Variants in FAXC observed in about 807,000 individuals in gnomAD.
FAXC encodes the protein failed axon connections homolog, metaxin like GST domain containing.
A neutral mutation model predicts 41.9 loss-of-function variants in FAXC; 10 were observed. That is an observed-to-expected ratio of 0.24 (90% CI 0.15 to 0.41). FAXC has a LOEUF of 0.41. Ranked by LOEUF, FAXC falls within the 10% of genes least tolerant of loss-of-function variation. FAXC has a pLI of 1.00. For missense variants in FAXC, 399 were observed against 510.9 expected, an observed-to-expected ratio of 0.78 and a Z score of 2.11; for synonymous variants, 183 against 183.8, an observed-to-expected ratio of 1.00 and a Z score of 0.03.
At chr6:99,306,870 C>T (rs1015236313) in intron 4 of FAXC, among the ~76,000 whole-genome samples, 3 of 152,088 alleles carry the variant, frequency 2.0e-5, no homozygotes, top group African/African-American at 7.2e-5. Context: ...GGAGTAAGTG[C>T]CTGCATGTGT....
At chr6:99,292,577 G>A (rs1308313267) in intron 4 of FAXC, among the ~76,000 whole-genome samples, 1 of 152,198 alleles carries the variant, frequency 6.6e-6, no homozygotes, top group Non-Finnish European at 1.5e-5. Flanking sequence ...GGGAGCACTA[G>A]GGGAGATGGA....
chr6:99,336,225 T>C (rs1242215124), intron 2 of FAXC, among the ~76,000 whole-genome samples: 1 of 151,704 alleles, frequency 6.6e-6, no homozygotes, highest in Non-Finnish European at 1.5e-5. Context: ...CCAAAAAAAG[T>C]ATGTTAAAAA....
intron 2 of FAXC, among the ~76,000 whole-genome samples, chr6:99,339,809 A>C (rs1023557374): frequency 6.6e-6 from 1 of 152,142 alleles, no homozygotes; most frequent in Admixed American, 6.6e-5. Context: ...GAGTAGAGAG[A>C]CATAGAAAAT....
intron 2 of FAXC, among the ~76,000 whole-genome samples, chr6:99,337,578 G>A (rs1773259589): frequency 6.6e-6 from 1 of 151,976 alleles, no homozygotes; most frequent in Non-Finnish European, 1.5e-5. Flanking sequence ...TTTTTCTAAG[G>A]ACCATATATC....
chr6:99,349,992 G>A (rs1027120751), upstream of FAXC: 2 of 152,190 alleles, frequency 1.3e-5, no homozygotes, highest in Admixed American at 1.3e-4. Flanking sequence ...GCGGGCCCCA[G>A]AGTAGGGAAC....
intron 5 of FAXC, 84 bp downstream of exon 5, chr6:99,291,620 T>A: frequency 1.1e-6 from 1 of 935,208 alleles, no homozygotes; most frequent in Non-Finnish European, 1.8e-6. Context: ...ACGAAAGCAT[T>A]GGTCTAGAAT....
rs62424021 is a variant in FAXC, at chr6:99,326,154, G to A, written c.600-2487C>T. Among the ~76,000 whole-genome samples, 930 of 152,300 alleles carry A rather than the reference G, an allele frequency of 6.1e-3. 5 individuals are homozygous for A. Among genetic ancestry groups the A allele is most frequent in the Non-Finnish European group, 9.4e-3 (640 of 68,012 alleles). ...CTTTATTCCAAAAGCAAAGGTTAAC[G>A]GCTGGAAGGCTTTAAACAGACAAGA... On this transcript the variant is annotated intron_variant, in intron 3 of 5. Coordinates refer to ENST00000389677, the MANE Select transcript of FAXC (RefSeq NM_032511.4).
chr6:99,342,794 C>A, intron 2 of FAXC, 104 bp downstream of exon 2: 1 of 1,086,974 alleles, frequency 9.2e-7, no homozygotes, highest in Non-Finnish European at 1.3e-6. Flanking sequence ...AGCTCCCATC[C>A]CCTCTGGCAT....
chr6:99,301,514 T>C (rs1771704768), intron 4 of FAXC, among the ~76,000 whole-genome samples: 1 of 152,190 alleles, frequency 6.6e-6, no homozygotes, highest in Admixed American at 6.5e-5. Context: ...ACAAAGTGAA[T>C]AAAAACCAGG....
chr6:99,334,569 T>G, intron 2 of FAXC: 3 of 950,606 alleles, frequency 3.2e-6, no homozygotes, highest in Non-Finnish European at 3.8e-6. Flanking sequence ...ACATCTAACA[T>G]TCTTGTAATC....
intron 4 of FAXC, among the ~76,000 whole-genome samples, chr6:99,308,259 T>C (rs1772007411): frequency 6.6e-6 from 1 of 152,250 alleles, no homozygotes; most frequent in Non-Finnish European, 1.5e-5. Context: ...GTTGTGCCAT[T>C]GCACTCCAGC....
rs1294918565 is a variant in FAXC at position 99,349,334 on chromosome 6, G to A, written c.39C>T (p.Cys13=). Residue 13 remains cysteine, a synonymous_variant, in exon 1 of 6, where the codon TGC becomes TGT. Transcript: ENST00000389677. ...TCTGGTTCCAGCTCAGATCCACCAC[G>A]CACGGCCTGGACGAAGCAAAGCCAA... ...WGVGFASSRP[C]VVDLSWNQSI... 6.2e-7 allele frequency: 1 copy of A among 1,612,756 alleles called. No individual in the cohort carries two copies. Among genetic ancestry groups the A allele is most frequent in the Admixed American group, 1.7e-5 (1 of 60,012 alleles).
intron 5 of FAXC, among the ~76,000 whole-genome samples, chr6:99,288,678 T>A (rs1771112512): frequency 6.6e-6 from 1 of 152,152 alleles, no homozygotes; most frequent in Non-Finnish European, 1.5e-5. Flanking sequence ...GTCCATACTA[T>A]CCCTAGTCCC....
intron 4 of FAXC, among the ~76,000 whole-genome samples, chr6:99,299,971 C>A (rs1771642925): frequency 6.6e-6 from 1 of 152,076 alleles, no homozygotes. Context: ...TTAATTTAAT[C>A]CCTCTTCAGA....
At chr6:99,291,931 T>C in intron 4 of FAXC, 111 bp from the exon 5 acceptor site, 1 of 819,116 alleles carries the variant, frequency 1.2e-6, no homozygotes, top group African/African-American at 1.7e-5. Context: ...CCAAAAAGCT[T>C]TGCAGAATCG....
Position 99,323,628 on chromosome 6 carries a change from C to G in FAXC, c.639G>C (p.Glu213Asp). The G allele has an allele frequency of 1.2e-6, 2 of 1,614,208 alleles. No homozygotes were observed. Among genetic ancestry groups the G allele is most frequent in the Non-Finnish European group, 1.7e-6 (2 of 1,180,036 alleles). Reference protein sequence around the residue: ...AYCQWVDNLNETRKMLSLSGG... With the variant: ...AYCQWVDNLNDTRKMLSLSGG... ...CACTAAGAGAGAGCATCTTCCGGGT[C>G]TCATTGAGATTGTCCACCCACTGGC... Residue 213 changes from glutamate to aspartate, a missense_variant, in exon 4 of 6, where the codon GAG (glutamate) becomes GAC (aspartate). Coordinates refer to ENST00000389677, the MANE Select transcript of FAXC (RefSeq NM_032511.4).
chr6:99,308,753 A>G (rs1002833739), intron 4 of FAXC, among the ~76,000 whole-genome samples: 21 of 152,252 alleles, frequency 1.4e-4, no homozygotes, highest in African/African-American at 5.1e-4. Context: ...TTGCTTTTAA[A>G]AAATAAACAG....
chr6:99,311,556 T>C (rs610343), intron 4 of FAXC, among the ~76,000 whole-genome samples: 133,161 of 152,196 alleles, frequency 0.87, 58,755 homozygotes, highest in East Asian at 1. Context: ...GCCTGGGCAA[T>C]AGAGCAAGAC....
At chr6:99,298,703 T>C (rs1052304605) in intron 4 of FAXC, among the ~76,000 whole-genome samples, 1 of 152,248 alleles carries the variant, frequency 6.6e-6, no homozygotes, top group Non-Finnish European at 1.5e-5. Flanking sequence ...GCCTTAATTA[T>C]GTTTGATCTC....
Sources: gnomAD v4.1 joint callset for allele counts (sites outside exome capture counted in the v4.1 genomes callset) on GRCh38, gnomAD v4.1.1 for gene constraint, MANE v1.5 for transcripts, NCBI Gene and HGNC (gene_info 2026-07-23, HGNC 2026-07-21) for gene names.